The following TRAF2 variants were observed in gnomAD, a reference collection of about 807,000 sequenced individuals.
The protein encoded by TRAF2 is TNF receptor associated factor 2, also known as TNF receptor-associated factor 2.
TRAF2 carries 6 observed loss-of-function variants against 55.6 expected under a neutral mutation model. The observed-to-expected ratio is 0.11, with a 90% CI of 0.06 to 0.21. TRAF2 has a LOEUF of 0.21. Among genes scored for constraint, TRAF2 ranks in the 10% least tolerant of loss-of-function variants. The probability of loss-of-function intolerance (pLI) is 1.00; values close to 1 mark genes in which losing one functional copy is unlikely to be tolerated. For missense variants in TRAF2, 561 were observed against 684.5 expected (o/e 0.82, Z 2.01); for synonymous variants, 329 against 276.3 (o/e 1.19, Z -1.89).
At position 136,909,991 on chromosome 9, in the gene TRAF2, G is replaced by T; in HGVS notation, c.600G>T (p.Glu200Asp). ...GCGGCAAGAAGAAGATCCCCCGGGA[G>T]AAGGTGAGTGTCCTTCACCTCCTTG... The part of the protein sequence containing the change: ...DGCGKKKIPR[E>D]KFQDHVKTCG... The change falls in exon 6 of 11, where the codon GAG (glutamate) becomes GAT (aspartate). Residue 200 changes from glutamate (E) to aspartate (D), a missense_variant. This residue lies in a region of TRAF2 where 426 missense variants were observed against 476.8 expected (regional missense o/e 0.89). Transcript: ENST00000247668. The T allele has an allele frequency of 4.3e-6, 7 of 1,613,804 alleles. No individual in the cohort carries two copies. The highest frequency in any genetic ancestry group is 5.9e-6 in the Non-Finnish European group (7 of 1,179,890).
At chr9:136,882,150 C>T (rs968084513), upstream of TRAF2, 10 of 661,338 alleles carry the variant, frequency 1.5e-5, no homozygotes, top group African/African-American at 5.9e-5. Context: ...TGGGCTCTGT[C>T]GTCCCAAGAC....
intron 7 of TRAF2, among the ~76,000 whole-genome samples, chr9:136,916,977 C>A (rs1471501587): frequency 6.6e-6 from 1 of 152,192 alleles, no homozygotes; most frequent in Non-Finnish European, 1.5e-5. Context: ...CCATCTCACA[C>A]AGAAAAGGGC....
intron 7 of TRAF2, among the ~76,000 whole-genome samples, chr9:136,918,902 T>G (rs1455608365): frequency 6.6e-6 from 1 of 151,332 alleles, no homozygotes; most frequent in African/African-American, 2.4e-5. Context: ...GCCCAGCTAA[T>G]TTTTGTATTT....
rs762833751 is a variant in TRAF2 at position 136,916,613 on chromosome 9, A to G, written c.676A>G (p.Thr226Ala). The change falls in exon 7 of 11, where the codon ACG becomes GCG. Residue 226 changes from threonine (T) to alanine (A), a missense_variant and splice_region_variant. Physicochemically the swap from Thr to Ala is moderately conservative, Grantham distance 58 (BLOSUM62 0). Coordinates refer to ENST00000247668, the MANE Select transcript of TRAF2 (RefSeq NM_021138.4). ...CRFHAIGCLE[T>A]VEGEKQQEHE... The stretch of plus-strand genomic sequence containing the variant: ...ATTCCACGCCATCGGCTGCCTCGAG[A>G]CGGTGAGTCGGGGGGTCTGAGGTTG... The G allele has an allele frequency of 6.2e-7, 1 of 1,613,714 alleles. No individual in the cohort carries two copies. Among genetic ancestry groups the G allele is most frequent in the South Asian group, 1.1e-5 (1 of 91,080 alleles).
At chr9:136,883,816 C>T (rs1268178299), upstream of TRAF2, among the ~76,000 whole-genome samples, 2 of 147,390 alleles carry the variant, frequency 1.4e-5, no homozygotes, top group African/African-American at 5.0e-5. Flanking sequence ...TGTGCCGGGC[C>T]TTTTGTGTAT....
intron 1 of TRAF2, chr9:136,898,504 G>A: frequency 2.3e-6 from 2 of 879,898 alleles, no homozygotes; most frequent in Non-Finnish European, 2.7e-6. Flanking sequence ...GCCTCACTGA[G>A]CCTGAGTTTC....
intron 6 of TRAF2, among the ~76,000 whole-genome samples, chr9:136,912,082 T>G (rs1230676169): frequency 6.6e-6 from 1 of 150,680 alleles, no homozygotes; most frequent in African/African-American, 2.4e-5. Flanking sequence ...GTCGATCTCC[T>G]GACCTCGTGA....
chr9:136,883,171 GT>G (rs983064560), upstream of TRAF2, among the ~76,000 whole-genome samples: 4 of 148,762 alleles, frequency 2.7e-5, no homozygotes, highest in East Asian at 2.0e-4. Flanking sequence ...TGCCCAGCCA[GT>G]TTTTTTTTTA....
At chr9:136,888,170 C>T (rs541659876) in intron 1 of TRAF2, among the ~76,000 whole-genome samples, 25 of 152,310 alleles carry the variant, frequency 1.6e-4, no homozygotes, top group Non-Finnish European at 3.1e-4. Flanking sequence ...CGCGCCCGGC[C>T]ATGAAATTAC....
intron 4 of TRAF2, 152 bp downstream of exon 4, chr9:136,900,672 T>TTAGAG (rs1190534406): frequency 5.5e-6 from 4 of 720,938 alleles, no homozygotes; most frequent in Non-Finnish European, 1.0e-5. Context: ...GAGCTGCTCC[T>TTAGAG]TAGAGTATGT....
intron 1 of TRAF2, among the ~76,000 whole-genome samples, chr9:136,887,928 G>A (rs1255333912): frequency 6.6e-6 from 1 of 152,018 alleles, no homozygotes; most frequent in African/African-American, 2.4e-5. Flanking sequence ...GGAGTGCAGT[G>A]GCTCGATCTC....
chr9:136,920,073 A>C (rs1376799976), intron 7 of TRAF2, among the ~76,000 whole-genome samples, 161 bp from the exon 8 acceptor site: 1 of 152,084 alleles, frequency 6.6e-6, no homozygotes, highest in Non-Finnish European at 1.5e-5. Context: ...TCAGTCTGTC[A>C]TACACAAGAA....
intron 6 of TRAF2, among the ~76,000 whole-genome samples, chr9:136,911,014 C>T (rs1022915064): frequency 1.3e-5 from 2 of 152,240 alleles, no homozygotes; most frequent in Admixed American, 6.5e-5. Context: ...GCTGTGTCCC[C>T]TGCTGGTGGG....
chr9:136,915,193 G>A (rs1269497101), intron 6 of TRAF2, among the ~76,000 whole-genome samples: 5 of 152,110 alleles, frequency 3.3e-5, no homozygotes, highest in Non-Finnish European at 5.9e-5. Flanking sequence ...AAAAAGTTTT[G>A]TAATTTTGTA....
intron 4 of TRAF2, among the ~76,000 whole-genome samples, chr9:136,906,700 C>T (rs1254970663): frequency 2.6e-5 from 4 of 152,184 alleles, no homozygotes; most frequent in African/African-American, 9.7e-5. Flanking sequence ...CTCACCAGCC[C>T]CTTATGGAGG....
At chr9:136,910,495 C>T (rs998959626) in intron 6 of TRAF2, among the ~76,000 whole-genome samples, 1 of 152,218 alleles carries the variant, frequency 6.6e-6, no homozygotes, top group Non-Finnish European at 1.5e-5. Context: ...TGAGAGTTAA[C>T]TGCTGCAGAT....
intron 10 of TRAF2, among the ~76,000 whole-genome samples, chr9:136,924,510 C>T (rs189493775): frequency 7.9e-5 from 12 of 151,254 alleles, no homozygotes; most frequent in South Asian, 4.3e-4. Context: ...TGCAGTGAGC[C>T]GAGATCACGC....
chr9:136,902,935 A>G (rs555926446), intron 4 of TRAF2, among the ~76,000 whole-genome samples: 38 of 152,254 alleles, frequency 2.5e-4, no homozygotes, highest in African/African-American at 8.9e-4. Flanking sequence ...GTCCTTTGCA[A>G]TGATGCCTTT....
At chr9:136,886,602 C>T in intron 1 of TRAF2, 61 bp downstream of exon 1, 1 of 941,684 alleles carries the variant, frequency 1.1e-6, no homozygotes, top group South Asian at 4.9e-5. Context: ...GGTGCGGGGT[C>T]GGGCGCGGGG....
Sources: allele counts gnomAD v4.1 joint callset (sites outside exome capture counted in the v4.1 genomes callset), GRCh38; gene constraint gnomAD v4.1.1; regional missense constraint gnomAD v4.1.1; transcripts MANE v1.5; gene names NCBI Gene and HGNC (gene_info 2026-07-23, HGNC 2026-07-21).